Variants in ZRANB3 observed in about 807,000 individuals in gnomAD.
ZRANB3 encodes zinc finger RANBP2-type containing 3.
ZRANB3 carries 125 observed loss-of-function variants against 133.8 expected under a neutral mutation model. That is an observed-to-expected ratio of 0.93 (90% CI 0.81 to 1.08). The LOEUF (loss-of-function observed/expected upper bound fraction) is 1.08. ZRANB3 is among the 50% of genes least tolerant of loss of function. ZRANB3 has a pLI of 0.00. For missense variants in ZRANB3, 1,229 were observed against 1,275.5 expected (o/e 0.96, Z 0.56); for synonymous variants, 387 against 432.7 (o/e 0.89, Z 1.31).
chr2:135,515,877 G>T (rs1352044789), intron 1 of ZRANB3, among the ~76,000 whole-genome samples: 2 of 151,994 alleles, frequency 1.3e-5, no homozygotes, highest in Non-Finnish European at 2.9e-5. Flanking sequence ...TTGACAGTGG[G>T]GCATTAAATC....
intron 3 of ZRANB3, among the ~76,000 whole-genome samples, chr2:135,363,622 A>G (rs1685789868): frequency 6.6e-6 from 1 of 152,230 alleles, no homozygotes; most frequent in Non-Finnish European, 1.5e-5. Flanking sequence ...CACAAAGAAA[A>G]TAACTACAAG....
chr2:135,392,215 G>A (rs1469038302), intron 2 of ZRANB3, among the ~76,000 whole-genome samples: 2 of 151,976 alleles, frequency 1.3e-5, no homozygotes, highest in Non-Finnish European at 2.9e-5. Flanking sequence ...TCAGGAGGGT[G>A]AGGTAGGAGG....
At position 135,265,665 on chromosome 2, in the gene ZRANB3, G is replaced by C; in HGVS notation, c.1408C>G (p.Leu470Val). Reference sequence around the variant, plus strand: ...TGAATTTTTTCTTTCCTACCGTTCAGTGTGCTCCCTGTAACTTGAGCCTAC... The same window carrying C: ...TGAATTTTTTCTTTCCTACCGTTCACTGTGCTCCCTGTAACTTGAGCCTAC... ...NRKAQVTGST[L>V]NGRKEKIQAE... The change falls in exon 12 of 21, where the codon CTG becomes GTG. Residue 470 changes from leucine (L) to valine (V), a missense_variant. Transcript: ENST00000264159. The C allele has an allele frequency of 6.2e-7, 1 of 1,613,290 alleles. No homozygotes were observed. Among genetic ancestry groups the C allele is most frequent in the Non-Finnish European group, 8.5e-7 (1 of 1,179,648 alleles).
intron 12 of ZRANB3, among the ~76,000 whole-genome samples, chr2:135,259,366 T>C (rs1267030818): frequency 6.6e-6 from 1 of 152,048 alleles, no homozygotes; most frequent in Non-Finnish European, 1.5e-5. Flanking sequence ...AGAGCTCTCC[T>C]AACTACATAC....
At chr2:135,312,554 T>C (rs1299511080) in intron 8 of ZRANB3, among the ~76,000 whole-genome samples, 1 of 152,112 alleles carries the variant, frequency 6.6e-6, no homozygotes, top group Non-Finnish European at 1.5e-5. Flanking sequence ...GTTACACTAA[T>C]TTTACTAAAT....
intron 2 of ZRANB3, among the ~76,000 whole-genome samples, chr2:135,487,436 C>T (rs1692172691): frequency 6.6e-6 from 1 of 152,170 alleles, no homozygotes; most frequent in Non-Finnish European, 1.5e-5. Context: ...GTTTTTAAGC[C>T]AGGCATTGAC....
chr2:135,488,454 T>A (rs1482077060), intron 2 of ZRANB3, among the ~76,000 whole-genome samples: 1 of 151,416 alleles, frequency 6.6e-6, no homozygotes, highest in Admixed American at 6.6e-5. Flanking sequence ...TAAAGCAAAT[T>A]ATAATAAAAC....
chr2:135,200,397 T>A lies in ZRANB3; in HGVS notation c.3185A>T (p.Gln1062Leu). Residue 1062 changes from glutamine (Q) to leucine (L), a missense_variant, in exon 21 of 21, where the codon CAA becomes CTA. Transcript: ENST00000264159. ...TGATCCATGCTTTGATGCTAGAGATTGTCTTCTCACCTGGCTTCTTTCCTT... is the reference window on the plus strand; with the variant it reads ...TGATCCATGCTTTGATGCTAGAGATAGTCTTCTCACCTGGCTTCTTTCCTT... ...QAKERSQVRR[Q>L]SLASKHGSDI... 1 of 1,608,146 alleles carries A rather than the reference T, an allele frequency of 6.2e-7. No homozygotes were observed. The highest frequency in any genetic ancestry group is 1.7e-5 in the Admixed American group (1 of 59,210).
chr2:135,510,773 G>C, intron 1 of ZRANB3: 1 of 809,318 alleles, frequency 1.2e-6, no homozygotes, highest in South Asian at 1.3e-5. Context: ...AGGACCTTCT[G>C]AACAGGCTCA....
chr2:135,456,273 G>A (rs1192503539), intron 2 of ZRANB3, among the ~76,000 whole-genome samples: 1 of 152,196 alleles, frequency 6.6e-6, no homozygotes, highest in Non-Finnish European at 1.5e-5. Flanking sequence ...AGGAATCCAG[G>A]CCCCTTACAT....
intron 12 of ZRANB3, among the ~76,000 whole-genome samples, chr2:135,246,182 G>A (rs545535323): frequency 1.7e-4 from 26 of 151,184 alleles, no homozygotes; most frequent in African/African-American, 6.3e-4. Context: ...GGGATTACAG[G>A]TGTGAGCCAC....
chr2:135,292,417 T>A (rs1681796670), intron 8 of ZRANB3, among the ~76,000 whole-genome samples: 1 of 152,354 alleles, frequency 6.6e-6, no homozygotes, highest in South Asian at 2.1e-4. Context: ...TCTGTTCATA[T>A]CCTTCGCCCA....
chr2:135,308,141 C>T (rs778570470), intron 8 of ZRANB3, among the ~76,000 whole-genome samples: 12 of 152,180 alleles, frequency 7.9e-5, no homozygotes, highest in South Asian at 2.1e-4. Flanking sequence ...TTCCTGTCCC[C>T]CACCACTAAC....
intron 2 of ZRANB3, among the ~76,000 whole-genome samples, chr2:135,444,153 G>A (rs147360036): frequency 2.0e-3 from 297 of 151,408 alleles, no homozygotes; most frequent in Admixed American, 3.3e-3. Flanking sequence ...AACTGGAACC[G>A]TCATATGTTG....
chr2:135,271,908 G>A (rs368771244), intron 9 of ZRANB3, 21 bp from the exon 10 acceptor site: 288 of 1,603,130 alleles, frequency 1.8e-4, no homozygotes, highest in Non-Finnish European at 2.2e-4. Flanking sequence ...CAAGGAAAAC[G>A]GCAAAATTAG....
At chr2:135,316,966 A>AG (rs1467829948) in intron 6 of ZRANB3, among the ~76,000 whole-genome samples, 24 of 114,164 alleles carry the variant, frequency 2.1e-4, no homozygotes, top group Non-Finnish European at 3.2e-4. Flanking sequence ...TTCCGTCTCG[A>AG]GAAAAAAAAA....
chr2:135,256,405 T>C (rs1051120605), intron 12 of ZRANB3, among the ~76,000 whole-genome samples: 6 of 152,288 alleles, frequency 3.9e-5, no homozygotes, highest in African/African-American at 1.4e-4. Context: ...CTCAGCTCAC[T>C]GCAACCTCTG....
At chr2:135,487,623 G>A (rs951421948) in intron 2 of ZRANB3, among the ~76,000 whole-genome samples, 4 of 152,180 alleles carry the variant, frequency 2.6e-5, no homozygotes, top group African/African-American at 9.7e-5. Context: ...GCACATTTAT[G>A]TTATGACGAT....
chr2:135,423,654 T>G (rs1688957444), intron 2 of ZRANB3, among the ~76,000 whole-genome samples: 1 of 152,030 alleles, frequency 6.6e-6, no homozygotes. Context: ...ATTTATAGAG[T>G]TGGAACAGTC....
Sources: gnomAD v4.1 joint callset for allele counts (sites outside exome capture counted in the v4.1 genomes callset) on GRCh38, gnomAD v4.1.1 for gene constraint, MANE v1.5 for transcripts, NCBI Gene and HGNC (gene_info 2026-07-23, HGNC 2026-07-21) for gene names.